Variants in CGNL1 observed in about 807,000 individuals in gnomAD.
CGNL1 encodes cingulin-like protein 1.
Under a neutral mutation model 141.2 loss-of-function variants are expected in CGNL1, and 132 were observed. That is an observed-to-expected ratio of 0.93 (90% CI 0.81 to 1.08). CGNL1 has a LOEUF of 1.08. Ranked by LOEUF, CGNL1 falls within the 50% of genes least tolerant of loss-of-function variation. The pLI is 0.00. For missense variants in CGNL1, 1,870 were observed against 1,588.6 expected, an observed-to-expected ratio of 1.18 and a Z score of -3.01; for synonymous variants, 690 against 622.1, an observed-to-expected ratio of 1.11 and a Z score of -1.63.
chr15:57,505,749 A>G (rs2064093199), intron 8 of CGNL1, among the ~76,000 whole-genome samples: 1 of 152,142 alleles, frequency 6.6e-6, no homozygotes, highest in South Asian at 2.1e-4. Context: ...CAAACGGAAA[A>G]GTTGACAGCT....
intron 1 of CGNL1, among the ~76,000 whole-genome samples, chr15:57,419,805 A>T (rs2062893256): frequency 6.6e-6 from 1 of 151,880 alleles, no homozygotes; most frequent in African/African-American, 2.4e-5. Flanking sequence ...CTCTTTCTAT[A>T]CTCTAGCTTC....
intron 14 of CGNL1, among the ~76,000 whole-genome samples, chr15:57,542,767 A>C (rs887323273): frequency 3.3e-5 from 5 of 152,186 alleles, no homozygotes; most frequent in African/African-American, 1.2e-4. Flanking sequence ...CTCTTGGGGA[A>C]GTTGAGTGAC....
intron 16 of CGNL1, 105 bp from the exon 17 acceptor site, chr15:57,545,487 T>G: frequency 1.1e-6 from 1 of 947,306 alleles, no homozygotes; most frequent in South Asian, 1.5e-5. Context: ...AGCCTTGAGC[T>G]GACCAGGCAC....
chr15:57,399,031 T>C (rs2062631680), intron 1 of CGNL1, among the ~76,000 whole-genome samples: 2 of 152,240 alleles, frequency 1.3e-5, no homozygotes, highest in Non-Finnish European at 2.9e-5. Context: ...TTTTGATACA[T>C]GTATACAATG....
intron 2 of CGNL1, 122 bp from the exon 3 acceptor site, chr15:57,440,255 T>G: frequency 1.4e-6 from 1 of 706,424 alleles, no homozygotes; most frequent in Non-Finnish European, 2.4e-6. Context: ...TTCCCCAAGA[T>G]TATGAAGCTG....
At chr15:57,444,601 T>G (rs1326495792) in intron 4 of CGNL1, among the ~76,000 whole-genome samples, 1 of 152,166 alleles carries the variant, frequency 6.6e-6, no homozygotes, top group Non-Finnish European at 1.5e-5. Context: ...TAAGTCAGGG[T>G]AGCCCTTCTA....
intron 11 of CGNL1, 28 bp downstream of exon 11, chr15:57,523,669 G>A (rs1437062961): frequency 6.2e-7 from 1 of 1,611,812 alleles, no homozygotes; most frequent in African/African-American, 1.3e-5. Context: ...GAAAGAGGAA[G>A]TAGGGCCAGA....
chr15:57,492,350 C>T (rs1595761271), intron 8 of CGNL1, among the ~76,000 whole-genome samples: 1 of 152,178 alleles, frequency 6.6e-6, no homozygotes, highest in African/African-American at 2.4e-5. Context: ...TTCAGGATTA[C>T]ACTCCAATCC....
chr15:57,418,907 C>G (rs1292634981), intron 1 of CGNL1, among the ~76,000 whole-genome samples: 1 of 147,586 alleles, frequency 6.8e-6, no homozygotes, highest in African/African-American at 2.5e-5. Context: ...ACACTGACTG[C>G]GTCAGTGGGT....
At chr15:57,382,551 C>T (rs1210006601) in intron 1 of CGNL1, among the ~76,000 whole-genome samples, 1 of 152,190 alleles carries the variant, frequency 6.6e-6, no homozygotes, top group Non-Finnish European at 1.5e-5. Flanking sequence ...TAAAGCTCCT[C>T]GACTGTTAAT....
rs12439291 is a variant in CGNL1 at position 57,550,321 on chromosome 15, T to G, written c.*2831T>G. On this transcript the variant is annotated 3_prime_UTR_variant, in exon 19 of 19. Transcript: ENST00000281282. ...TTACCTGGAACAAAGTGCAGATTAGTGCCCACGGTCCTTTCCAGGTATAAC... is the reference window on the plus strand; with the variant it reads ...TTACCTGGAACAAAGTGCAGATTAGGGCCCACGGTCCTTTCCAGGTATAAC... The G allele has an allele frequency of 0.18, 27,548 of 152,646 alleles. 2,587 individuals carry two copies. The highest frequency in any genetic ancestry group is 0.21 in the Admixed American group (3,237 of 15,300). The allele number at this position is 152,646 out of a possible 1,614,324, so 9.5% of individuals were successfully genotyped here. A position where few individuals can be genotyped will look rare whatever the true frequency, so the allele number is the denominator to read the frequency against.
At chr15:57,468,501 G>A (rs146418625) in intron 8 of CGNL1, among the ~76,000 whole-genome samples, 13 of 151,688 alleles carry the variant, frequency 8.6e-5, no homozygotes, top group African/African-American at 3.1e-4. Context: ...CAAAATGTTG[G>A]GGTTATAGGT....
Position 57,439,091 on chromosome 15 carries a change from T to C in CGNL1, c.1092T>C (p.Pro364=), listed in dbSNP as rs1252678593. The C allele has an allele frequency of 1.9e-6, 3 of 1,614,202 alleles. No homozygotes were observed. The highest frequency in any genetic ancestry group is 1.7e-5 in the Admixed American group (1 of 60,024). The change falls in exon 2 of 19, where the codon CCT becomes CCC. Residue 364 remains proline, a synonymous_variant. Coordinates refer to ENST00000281282, the MANE Select transcript of CGNL1 (RefSeq NM_032866.5). The part of the protein sequence containing the change: ...DQLIEKFDQK[P]GLQRRGRSGK... The stretch of plus-strand genomic sequence containing the variant: ...TAATTGAAAAATTTGATCAAAAACC[T>C]GGGCTTCAGAGAAGAGGAAGGTCTG...
At chr15:57,493,621 A>T (rs2063897092) in intron 8 of CGNL1, among the ~76,000 whole-genome samples, 1 of 152,190 alleles carries the variant, frequency 6.6e-6, no homozygotes, top group South Asian at 2.1e-4. Context: ...CTATAGAATG[A>T]AGACGCATGA....
intron 1 of CGNL1, chr15:57,402,596 G>A (rs1043543746): frequency 1.3e-5 from 2 of 152,182 alleles, no homozygotes; most frequent in Non-Finnish European, 2.9e-5. Flanking sequence ...AATTATTTTG[G>A]GTTTTCCGTT....
intron 1 of CGNL1, among the ~76,000 whole-genome samples, chr15:57,380,392 G>T (rs1171860784): frequency 6.6e-6 from 1 of 152,146 alleles, no homozygotes; most frequent in African/African-American, 2.4e-5. Flanking sequence ...TGGTAAACAG[G>T]ATAAGGTTCC....
chr15:57,515,053 G>T (rs192103379), intron 8 of CGNL1, among the ~76,000 whole-genome samples: 2 of 152,270 alleles, frequency 1.3e-5, no homozygotes, highest in East Asian at 3.9e-4. Flanking sequence ...GGGCAATCTA[G>T]ACTTTTTCTT....
At chr15:57,379,324 A>G (rs1415595426) in intron 1 of CGNL1, among the ~76,000 whole-genome samples, 1 of 152,220 alleles carries the variant, frequency 6.6e-6, no homozygotes, top group African/African-American at 2.4e-5. Flanking sequence ...AGCAGCTCTA[A>G]TATCCTAAAG....
intron 8 of CGNL1, among the ~76,000 whole-genome samples, chr15:57,510,999 G>A (rs1342991141): frequency 6.8e-6 from 1 of 147,208 alleles, no homozygotes; most frequent in African/African-American, 2.5e-5. Flanking sequence ...GTGAGAACTT[G>A]GCCGAGGACG....
Sources: allele counts gnomAD v4.1 joint callset (sites outside exome capture counted in the v4.1 genomes callset), GRCh38; gene constraint gnomAD v4.1.1; transcripts MANE v1.5; gene names NCBI Gene and HGNC (gene_info 2026-07-23, HGNC 2026-07-21).